The following DAB2 variants were observed in gnomAD, a reference collection of about 807,000 sequenced individuals.
The protein encoded by DAB2 is disabled homolog 2.
A neutral mutation model predicts 71.6 loss-of-function variants in DAB2; 28 were observed. That is an observed-to-expected ratio of 0.39 (90% CI 0.29 to 0.54). The LOEUF is 0.54. Ranked by LOEUF, DAB2 falls within the 20% of genes least tolerant of loss-of-function variation. DAB2 has a pLI of 0.68. For synonymous variants in DAB2, 345 were observed against 339.7 expected, an observed-to-expected ratio of 1.02 and a Z score of -0.17; for missense variants, 867 against 928.8, an observed-to-expected ratio of 0.93 and a Z score of 0.86.
intron 13 of DAB2, among the ~76,000 whole-genome samples, chr5:39,375,613 G>T (rs150252195): frequency 6.6e-6 from 1 of 152,054 alleles, no homozygotes; most frequent in Non-Finnish European, 1.5e-5. Flanking sequence ...AGCCAGGTGC[G>T]GTGGCTCATG....
rs1364702557 is a variant in DAB2 at position 39,373,011 on chromosome 5, A to G, written c.*420T>C. The G allele has an allele frequency of 6.6e-6, 1 of 152,074 alleles. No homozygotes were observed. The highest frequency in any genetic ancestry group is 2.4e-5 in the African/African-American group (1 of 41,410). The allele number at this position is 152,074 out of a possible 1,614,324, so 9.4% of individuals were successfully genotyped here. ...TAACCTTTAGGTTTTATGCTCTGAA[A>G]CAGAACCCCCAAACAACTCTGAACA... is the stretch of plus-strand genomic sequence containing the variant. On this transcript the variant is annotated 3_prime_UTR_variant, in exon 15 of 15. Coordinates refer to ENST00000320816, the MANE Select transcript of DAB2 (RefSeq NM_001343.4).
chr5:39,424,125 G>C (rs1756048475), intron 1 of DAB2, among the ~76,000 whole-genome samples: 1 of 152,022 alleles, frequency 6.6e-6, no homozygotes, highest in African/African-American at 2.4e-5. Context: ...GAGGCTCCAC[G>C]GTTTTAACCC....
At chr5:39,385,681 A>G (rs1402757846) in intron 9 of DAB2, among the ~76,000 whole-genome samples, 1 of 152,188 alleles carries the variant, frequency 6.6e-6, no homozygotes, top group East Asian at 1.9e-4. Flanking sequence ...GTAATCGGAC[A>G]TAAATCCTGA....
intron 1 of DAB2, among the ~76,000 whole-genome samples, chr5:39,408,153 A>C (rs1204200212): frequency 6.6e-6 from 1 of 152,236 alleles, no homozygotes; most frequent in Admixed American, 6.5e-5. Flanking sequence ...AAGGAAGAAG[A>C]ATCCAGCTGC....
intron 11 of DAB2, among the ~76,000 whole-genome samples, chr5:39,379,266 C>T (rs1203931024): frequency 2.0e-5 from 3 of 151,880 alleles, no homozygotes; most frequent in Admixed American, 2.0e-4. Flanking sequence ...CCAACCTGGC[C>T]AACGTGGCGA....
rs1239521376 is a variant in DAB2 at position 39,376,918 on chromosome 5, A to T, written c.1869T>A (p.Pro623=). 1 of 1,614,080 alleles carries T rather than the reference A, an allele frequency of 6.2e-7. No homozygotes were observed. Among genetic ancestry groups the T allele is most frequent in the Non-Finnish European group, 8.5e-7 (1 of 1,179,998 alleles). ...TGTCCTTGGGAGGGCCAGCTCTGGGAGGTGGCTGAGGAGGAGTGACCAGGA... is the reference window on the plus strand; with the variant it reads ...TGTCCTTGGGAGGGCCAGCTCTGGGTGGTGGCTGAGGAGGAGTGACCAGGA... ...SSLLVTPPQP[P]PRAGPPKDIS... The change falls in exon 12 of 15, where the codon CCT becomes CCA. Residue 623 remains proline, a synonymous_variant. Transcript: ENST00000320816.
At chr5:39,418,584 C>T (rs1755902517) in intron 1 of DAB2, among the ~76,000 whole-genome samples, 1 of 152,130 alleles carries the variant, frequency 6.6e-6, no homozygotes, top group Admixed American at 6.5e-5. Context: ...CTTAACTGCC[C>T]TGCTCAGATG....
intron 2 of DAB2, 45 bp downstream of exon 2, chr5:39,394,185 C>T (rs1755301533): frequency 5.4e-6 from 8 of 1,469,040 alleles, no homozygotes; most frequent in African/African-American, 1.4e-5. Context: ...CCAGGGGTAA[C>T]CATCTCTAGC....
chr5:39,390,642 A>G, intron 4 of DAB2, 67 bp from the exon 5 acceptor site: 3 of 1,274,162 alleles, frequency 2.4e-6, no homozygotes, highest in Non-Finnish European at 3.3e-6. Context: ...TAGCACACCG[A>G]AGCCTCAGAC....
At chr5:39,393,778 T>C (rs773563139) in intron 2 of DAB2, among the ~76,000 whole-genome samples, 21 of 152,170 alleles carry the variant, frequency 1.4e-4, no homozygotes, top group Admixed American at 6.5e-5. Flanking sequence ...TTACCAACAT[T>C]TTAAATTATC....
intron 4 of DAB2, among the ~76,000 whole-genome samples, chr5:39,390,895 G>C (rs1755211639): frequency 6.6e-6 from 1 of 152,030 alleles, no homozygotes; most frequent in Admixed American, 6.5e-5. Flanking sequence ...GAGACATTTA[G>C]CCCTTAAGCC....
In DAB2 at chr5:39,388,861, A is replaced by T. The variant is rs186509864; in HGVS notation, c.571-9T>A. 6,593 of 1,609,782 alleles carry T rather than the reference A, an allele frequency of 4.1e-3. 16 individuals carry two copies. The highest frequency in any genetic ancestry group is 4.5e-3 in the Non-Finnish European group (5,240 of 1,176,120). On this transcript the variant is annotated splice_polypyrimidine_tract_variant and intron_variant, in intron 7 of 14. Transcript: ENST00000320816. ...AGGGCCTCACTCCCATTCTGAAAAG[A>T]TAGCAAATATTTAAGGATTTAGTTG...
chr5:39,401,911 C>A (rs1216109001), intron 1 of DAB2, among the ~76,000 whole-genome samples: 1 of 151,880 alleles, frequency 6.6e-6, no homozygotes, highest in Non-Finnish European at 1.5e-5. Context: ...TGCCATCATG[C>A]CTGGCTAATT....
intron 11 of DAB2, among the ~76,000 whole-genome samples, chr5:39,381,121 T>C (rs1166260620): frequency 1.3e-5 from 2 of 152,242 alleles, no homozygotes; most frequent in African/African-American, 4.8e-5. Flanking sequence ...GACAAGCCTC[T>C]CTTATGTCAA....
At chr5:39,419,695 A>T (rs1755934549) in intron 1 of DAB2, among the ~76,000 whole-genome samples, 1 of 152,176 alleles carries the variant, frequency 6.6e-6, no homozygotes, top group Non-Finnish European at 1.5e-5. Context: ...TAAAAGAAGT[A>T]AGTGGGACAG....
At chr5:39,384,202 C>T (rs1404834383) in intron 9 of DAB2, among the ~76,000 whole-genome samples, 2 of 152,218 alleles carry the variant, frequency 1.3e-5, no homozygotes, top group Non-Finnish European at 2.9e-5. Flanking sequence ...CCCTCCTTAT[C>T]CTCAGGGAAT....
Position 39,392,347 on chromosome 5 carries a change from G to T in DAB2, c.330+18C>A. 1 of 1,585,882 alleles carries T rather than the reference G, an allele frequency of 6.3e-7. No individual in the cohort carries two copies. The highest frequency in any genetic ancestry group is 8.7e-7 in the Non-Finnish European group (1 of 1,154,310). On this transcript the variant is annotated intron_variant, in intron 4 of 14. Transcript: ENST00000320816. ...GACTCAGGTGGTCAGAGAGGTATCA[G>T]CAAATGTGAATTCTTACCCCAGTTT... is the stretch of plus-strand genomic sequence containing the variant.
chr5:39,390,162 T>C (rs1755192330), intron 5 of DAB2, among the ~76,000 whole-genome samples: 1 of 152,160 alleles, frequency 6.6e-6, no homozygotes. Flanking sequence ...ATGATCATAT[T>C]TGAAGTCCTT....
At chr5:39,411,069 T>C (rs189811187) in intron 1 of DAB2, among the ~76,000 whole-genome samples, 15 of 152,130 alleles carry the variant, frequency 9.9e-5, no homozygotes, top group Non-Finnish European at 2.9e-5. Context: ...TGCACACCAG[T>C]CTTTAAGTTA....
Sources: gnomAD v4.1 joint callset for allele counts (sites outside exome capture counted in the v4.1 genomes callset) on GRCh38, gnomAD v4.1.1 for gene constraint, MANE v1.5 for transcripts, NCBI Gene and HGNC (gene_info 2026-07-23, HGNC 2026-07-21) for gene names.